The following RREB1 variants were observed in gnomAD, a reference collection of about 807,000 sequenced individuals.
The protein encoded by RREB1 is ras responsive element binding protein 1.
A neutral mutation model predicts 117.8 loss-of-function variants in RREB1; 27 were observed. That is an observed-to-expected ratio of 0.23 (90% confidence interval 0.17 to 0.32). The LOEUF (loss-of-function observed/expected upper bound fraction) is 0.32. Among genes scored for constraint, RREB1 ranks in the 10% least tolerant of loss-of-function variants. The probability of loss-of-function intolerance (pLI) is 1.00; values close to 1 mark genes in which losing one functional copy is unlikely to be tolerated. For missense variants in RREB1, 2,577 were observed against 2,378.2 expected (o/e 1.08, Z -1.74); for synonymous variants, 1,298 against 1,026.7 (o/e 1.26, Z -5.05).
At chr6:7,219,488 C>T (rs1767113245) in intron 8 of RREB1, among the ~76,000 whole-genome samples, 1 of 152,146 alleles carries the variant, frequency 6.6e-6, no homozygotes, top group African/African-American at 2.4e-5. Context: ...GACTCAGGCA[C>T]GTGGTCAGGC....
intron 6 of RREB1, among the ~76,000 whole-genome samples, chr6:7,200,234 A>G (rs1489189360): frequency 7.2e-5 from 9 of 125,194 alleles, no homozygotes; most frequent in African/African-American, 2.8e-4. Flanking sequence ...ATATATATGT[A>G]TGTGTGTATA....
At chr6:7,200,184 ATATG>A (rs1405535427) in intron 6 of RREB1, among the ~76,000 whole-genome samples, 2 of 150,126 alleles carry the variant, frequency 1.3e-5, no homozygotes, top group Non-Finnish European at 3.0e-5. Context: ...TATTTTATAT[ATATG>A]TGTGTGTGTA....
Position 7,246,864 on chromosome 6 carries a change from C to G in RREB1, c.4414C>G (p.Arg1472Gly), listed in dbSNP as rs114122385. Residue 1472 changes from arginine to glycine, a missense_variant, in exon 12 of 13, where the codon CGC (arginine) becomes GGC (glycine). By Grantham distance (125) the Arg-to-Gly change is moderately radical. Coordinates refer to ENST00000379938, the MANE Select transcript of RREB1 (RefSeq NM_001003699.4). ...GAGCCGCCACCGGAAGGCGCACGGC[C>G]GCCAGGAGCCCAAGGACGAGAAGGG... ...TLSRHRKAHG[R>G]QEPKDEKGDG... The G allele has an allele frequency of 2.2e-5, 34 of 1,552,720 alleles. No individual in the cohort carries two copies. The African/African-American group carries it at 3.3e-4, about 15-fold the overall frequency.
rs142174636 is a variant in RREB1 at position 7,230,036 on chromosome 6, G to A, written c.1937G>A (p.Arg646His). The A allele has an allele frequency of 7.5e-6, 12 of 1,610,262 alleles. No homozygotes were observed. The highest frequency in any genetic ancestry group is 1.3e-5 in the African/African-American group (1 of 74,848). The change falls in exon 10 of 13, where the codon CGC becomes CAC. Residue 646 changes from arginine (R) to histidine (H), a missense_variant. By Grantham distance (29) the Arg-to-His change is conservative. Coordinates refer to ENST00000379938, the MANE Select transcript of RREB1 (RefSeq NM_001003699.4). ...PAMRKVLYPC[R>H]FCNQVFAFSG... ...ATGCGCAAGGTGCTCTACCCCTGCC[G>A]CTTCTGCAACCAGGTGTTTGCCTTC...
Position 7,189,151 on chromosome 6 carries a change from T to G in RREB1, c.262-8T>G, listed in dbSNP as rs1467481787. 6.2e-7 allele frequency: 1 copy of G among 1,610,932 alleles called. No individual in the cohort carries two copies. The highest frequency in any genetic ancestry group is 8.5e-7 in the Non-Finnish European group (1 of 1,179,156). ...TTAAGTGACCGCTGTGACCATTGCT[T>G]TCTGCAGCACAACACAGACACTGGA... On this transcript the variant is annotated splice_region_variant and splice_polypyrimidine_tract_variant and intron_variant, in intron 5 of 12. Coordinates refer to ENST00000379938, the MANE Select transcript of RREB1 (RefSeq NM_001003699.4).
At chr6:7,141,936 G>C (rs966298351) in intron 1 of RREB1, among the ~76,000 whole-genome samples, 5 of 152,222 alleles carry the variant, frequency 3.3e-5, no homozygotes, top group African/African-American at 1.2e-4. Flanking sequence ...GGTGGCCCTC[G>C]CCCATAGGCT....
intron 8 of RREB1, chr6:7,216,997 T>G (rs902717060): frequency 1.3e-5 from 2 of 152,334 alleles, no homozygotes; most frequent in Non-Finnish European, 2.9e-5. Flanking sequence ...GGTTGAACAG[T>G]CAGAGCGGGG....
chr6:7,236,207 G>T (rs1364328957), intron 10 of RREB1, among the ~76,000 whole-genome samples: 1 of 152,174 alleles, frequency 6.6e-6, no homozygotes, highest in Non-Finnish European at 1.5e-5. Flanking sequence ...GTCTGTTCTA[G>T]CCTCTGTCCT....
intron 4 of RREB1, among the ~76,000 whole-genome samples, chr6:7,187,160 G>A (rs759994067): frequency 4.6e-5 from 7 of 152,214 alleles, no homozygotes; most frequent in Non-Finnish European, 1.0e-4. Context: ...ATTGAGTACT[G>A]ACTATGATCC....
At chr6:7,177,073 G>A (rs544493775) in intron 2 of RREB1, among the ~76,000 whole-genome samples, 4 of 152,084 alleles carry the variant, frequency 2.6e-5, no homozygotes, top group African/African-American at 7.2e-5. Flanking sequence ...AAAAAAATTA[G>A]CCAGGCGTGG....
chr6:7,189,051 CAAGA>C, intron 5 of RREB1, 104 bp from the exon 6 acceptor site: 1 of 1,085,066 alleles, frequency 9.2e-7, no homozygotes, highest in Non-Finnish European at 1.3e-6. Context: ...AACACATAGC[CAAGA>C]AAGTTGATTG....
chr6:7,229,232 C>T lies in RREB1; in HGVS notation c.1133C>T (p.Ala378Val), dbSNP rs1332027163. The change falls in exon 10 of 13, where the codon GCC becomes GTC. Residue 378 changes from alanine to valine, a missense_variant. Coordinates refer to ENST00000379938, the MANE Select transcript of RREB1 (RefSeq NM_001003699.4). This position sits in a 1 kb window ranked among gnomAD's most constrained non-coding sequence, Gnocchi z 4.5. ...CAGCACACCAAAGACGTCAGGCCTGCCCCCGCCGAGGAGCCCCTGCCGGAT... is the reference window on the plus strand; with the variant it reads ...CAGCACACCAAAGACGTCAGGCCTGTCCCCGCCGAGGAGCCCCTGCCGGAT... ...GLQHTKDVRP[A>V]PAEEPLPDDN... is the part of the protein sequence containing the mutation. The T allele has an allele frequency of 1.2e-6, 2 of 1,613,830 alleles. No individual in the cohort carries two copies. Among genetic ancestry groups the T allele is most frequent in the Admixed American group, 1.7e-5 (1 of 60,014 alleles).
In RREB1 at chr6:7,181,977, G is replaced by A. The variant is rs557489194; in HGVS notation, c.66G>A (p.Ser22=). The A allele has an allele frequency of 1.0e-4, 167 of 1,614,164 alleles. No homozygotes were observed. The highest frequency in any genetic ancestry group is 1.2e-4 in the Non-Finnish European group (140 of 1,180,004). The change falls in exon 4 of 13, where the codon TCG becomes TCA. Residue 22 remains serine (S), a synonymous_variant. Coordinates refer to ENST00000379938, the MANE Select transcript of RREB1 (RefSeq NM_001003699.4). The stretch of plus-strand genomic sequence containing the variant: ...TATCTTCCATCAACACCATGATGTC[G>A]GCGGTCATGAGTGTAGGGAAGGTCA... ...SDLSSINTMM[S]AVMSVGKVTE...
At position 7,249,776 on chromosome 6, in the gene RREB1, C is replaced by T. The variant is rs867495410; in HGVS notation, c.*808C>T. 1 of 151,848 alleles carries T rather than the reference C, an allele frequency of 6.6e-6. No homozygotes were observed. Among genetic ancestry groups the T allele is most frequent in the Non-Finnish European group, 1.5e-5 (1 of 67,996 alleles). 9.4% of individuals were successfully genotyped at this position (151,848 alleles called of 1,614,324 possible). Reference sequence around the variant, plus strand: ...AGGATATATTTGATTGCCTCCTCTTCCCTTTCAGTATATGTATTATTAATA... The same window carrying T: ...AGGATATATTTGATTGCCTCCTCTTTCCTTTCAGTATATGTATTATTAATA... On this transcript the variant is annotated 3_prime_UTR_variant, in exon 13 of 13. Transcript: ENST00000379938.
intron 11 of RREB1, among the ~76,000 whole-genome samples, chr6:7,245,026 G>A (rs1304415431): frequency 6.6e-6 from 1 of 152,218 alleles, no homozygotes; most frequent in Non-Finnish European, 1.5e-5. Flanking sequence ...TGAGGGAGGG[G>A]CATCTCGTAC....
At chr6:7,247,977 C>T (rs1329063420) in intron 12 of RREB1, among the ~76,000 whole-genome samples, 1 of 152,248 alleles carries the variant, frequency 6.6e-6, no homozygotes, top group African/African-American at 2.4e-5. Context: ...CTGCGCTTGC[C>T]CGTGTGAAGG....
intron 1 of RREB1, among the ~76,000 whole-genome samples, chr6:7,143,831 A>G (rs1197817642): frequency 6.8e-6 from 1 of 146,944 alleles, no homozygotes; most frequent in Non-Finnish European, 1.5e-5. Flanking sequence ...AGTGTGCATC[A>G]CTGCAGCCTT....
At chr6:7,221,216 C>G (rs1415017621) in intron 8 of RREB1, among the ~76,000 whole-genome samples, 2 of 151,506 alleles carry the variant, frequency 1.3e-5, no homozygotes, top group Non-Finnish European at 2.9e-5. Context: ...GGCCGGACTG[C>G]GGACTGCAGT....
At chr6:7,200,242 A>ATGTG (rs762239284) in intron 6 of RREB1, among the ~76,000 whole-genome samples, 91 of 104,444 alleles carry the variant, frequency 8.7e-4, no homozygotes, top group African/African-American at 2.6e-3. Flanking sequence ...GTATGTGTGT[A>ATGTG]TATGTGTGTG....
Sources: gnomAD v4.1 joint callset for allele counts (sites outside exome capture counted in the v4.1 genomes callset) on GRCh38, gnomAD v4.1.1 for gene constraint, Gnocchi (gnomAD v3.1) non-coding constraint, MANE v1.5 for transcripts, NCBI Gene and HGNC (gene_info 2026-07-23, HGNC 2026-07-21) for gene names.